PSMA6: variants seen among roughly 807,000 people sequenced by gnomAD.
The protein encoded by PSMA6 is proteasome subunit alpha type-6.
For missense variants in PSMA6, 170 were observed against 294.8 expected (o/e 0.58, Z 3.10); for synonymous variants, 88 against 97.7 (o/e 0.90, Z 0.59).
At chr14:35,310,108 C>G (rs2051912550) in intron 3 of PSMA6, 2 of 384,778 alleles carry the variant, frequency 5.2e-6, no homozygotes, top group Non-Finnish European at 1.0e-5. Context: ...GGTGCCAGTC[C>G]AAGACCCCAT....
chr14:35,311,335 A>G (rs1412918251), intron 4 of PSMA6, among the ~76,000 whole-genome samples: 5 of 152,232 alleles, frequency 3.3e-5, no homozygotes, highest in African/African-American at 1.2e-4. Context: ...TTTGAAAACA[A>G]GTAAAATTGT....
upstream of PSMA6, among the ~76,000 whole-genome samples, chr14:35,289,906 A>C (rs1371647285): frequency 9.0e-6 from 1 of 111,610 alleles, no homozygotes; most frequent in Middle Eastern, 5.2e-3. Flanking sequence ...ACAGAGCAAT[A>C]CCGCATTTCA....
intron 6 of PSMA6, chr14:35,316,961 ATCTT>A (rs765442486): frequency 3.4e-6 from 1 of 295,448 alleles, no homozygotes; most frequent in Non-Finnish European, 6.3e-6. Flanking sequence ...AATATTTTCT[ATCTT>A]AGCTGCAACT....
intron 1 of PSMA6, among the ~76,000 whole-genome samples, chr14:35,295,252 G>A (rs2051561605): frequency 6.6e-6 from 1 of 151,394 alleles, no homozygotes. Flanking sequence ...CACAAGAATC[G>A]CTTGAACCTA....
chr14:35,311,446 A>G (rs1282310594), intron 4 of PSMA6, among the ~76,000 whole-genome samples: 1 of 152,230 alleles, frequency 6.6e-6, no homozygotes, highest in Non-Finnish European at 1.5e-5. Flanking sequence ...TCATTCATTT[A>G]TGAGCATTAA....
In PSMA6 at chr14:35,314,464, T is replaced by G. The variant is rs1566564199; in HGVS notation, c.683+9T>G. 1 of 1,607,172 alleles carries G rather than the reference T, an allele frequency of 6.2e-7. No individual in the cohort carries two copies. The highest frequency in any genetic ancestry group is 1.1e-5 in the South Asian group (1 of 90,148). On this transcript the variant is annotated intron_variant, in intron 6 of 6. Transcript: ENST00000261479. Reference sequence around the variant, plus strand: ...GAAAATCCTAAATTCAGGTGAGTGATATTGTGGGCCACATGCAGACTAGAA... The same window carrying G: ...GAAAATCCTAAATTCAGGTGAGTGAGATTGTGGGCCACATGCAGACTAGAA...
At chr14:35,291,132 C>G (rs1207133995), upstream of PSMA6, among the ~76,000 whole-genome samples, 1 of 152,040 alleles carries the variant, frequency 6.6e-6, no homozygotes, top group African/African-American at 2.4e-5. Flanking sequence ...GCTGGGACTA[C>G]TGGCGCGCGC....
At chr14:35,299,387 A>G (rs182957535) in intron 1 of PSMA6, among the ~76,000 whole-genome samples, 2 of 134,054 alleles carry the variant, frequency 1.5e-5, no homozygotes, top group Admixed American at 8.5e-5. Context: ...TAGTGGTGCA[A>G]TCTCGGCTTG....
intron 1 of PSMA6, chr14:35,293,256 C>T (rs961250952): frequency 6.2e-6 from 2 of 325,084 alleles, no homozygotes; most frequent in South Asian, 2.4e-5. Flanking sequence ...AATTTAAATG[C>T]CGATTCTGAG....
chr14:35,278,685 C>T, exon 1 of PSMA6: 1 of 1,534,904 alleles, frequency 6.5e-7, no homozygotes, highest in Non-Finnish European at 8.7e-7. Context: ...GAAGTAGCTT[C>T]CTTTGGAGGT....
At chr14:35,313,849 C>T (rs1405385681) in intron 5 of PSMA6, 1 of 152,302 alleles carries the variant, frequency 6.6e-6, no homozygotes, top group East Asian at 1.9e-4. Context: ...ATTCCAGCTA[C>T]TCAGGAGACT....
chr14:35,284,788 A>G (rs879303204), intron 1 of PSMA6, among the ~76,000 whole-genome samples: 6 of 152,174 alleles, frequency 3.9e-5, no homozygotes, highest in Admixed American at 3.3e-4. Context: ...GCCATCCTCT[A>G]TAATCATATG....
chr14:35,298,841 A>G (rs1383553608), intron 1 of PSMA6, among the ~76,000 whole-genome samples: 1 of 150,340 alleles, frequency 6.7e-6, no homozygotes, highest in Non-Finnish European at 1.5e-5. Flanking sequence ...TAACTCAATT[A>G]TCCTGCCTCA....
upstream of PSMA6, chr14:35,278,628 A>G (rs1425076439): frequency 1.3e-6 from 2 of 1,494,748 alleles, no homozygotes; most frequent in Non-Finnish European, 1.8e-6. Context: ...CTGCTGGAGC[A>G]GGGTAGTGTC....
intron 1 of PSMA6, among the ~76,000 whole-genome samples, chr14:35,280,447 A>G (rs548551213): frequency 1.7e-4 from 26 of 149,894 alleles, no homozygotes; most frequent in South Asian, 1.7e-3. Flanking sequence ...AGTGGCGTCA[A>G]TTTGGCTCAC....
intron 1 of PSMA6, among the ~76,000 whole-genome samples, chr14:35,293,651 A>G (rs1182699321): frequency 6.6e-6 from 1 of 152,254 alleles, no homozygotes; most frequent in African/African-American, 2.4e-5. Flanking sequence ...TAATGTAGCA[A>G]GAAACATCTT....
intron 4 of PSMA6, chr14:35,311,097 C>A (rs1458741499): frequency 1.5e-5 from 7 of 478,120 alleles, no homozygotes; most frequent in Admixed American, 1.2e-4. Flanking sequence ...GCTTTAGATG[C>A]TGTTAGACTT....
intron 5 of PSMA6, 96 bp downstream of exon 5, chr14:35,313,155 C>T (rs2051977378): frequency 8.6e-7 from 1 of 1,162,696 alleles, no homozygotes; most frequent in African/African-American, 1.6e-5. Context: ...GAATTACATC[C>T]CAGGATTCAA....
chr14:35,312,797 C>T (rs1180560163), intron 4 of PSMA6, 84 bp from the exon 5 acceptor site: 7 of 1,226,376 alleles, frequency 5.7e-6, no homozygotes, highest in Non-Finnish European at 7.8e-6. Flanking sequence ...TCATGATTAG[C>T]AGCAGCTATG....
Sources: allele counts gnomAD v4.1 joint callset (sites outside exome capture counted in the v4.1 genomes callset), GRCh38; gene constraint gnomAD v4.1.1; transcripts MANE v1.5; gene names NCBI Gene and HGNC (gene_info 2026-07-23, HGNC 2026-07-21).